Variants in AKAP13 observed in about 807,000 individuals in gnomAD.
The protein encoded by AKAP13 is A-kinase anchoring protein 13.
A neutral mutation model predicts 264.5 loss-of-function variants in AKAP13; 80 were observed. That is an observed-to-expected ratio of 0.30 (90% CI 0.25 to 0.36). AKAP13 has a LOEUF of 0.36. Ranked by LOEUF, AKAP13 falls within the 10% of genes least tolerant of loss-of-function variation. The pLI, the probability that AKAP13 is intolerant of heterozygous loss-of-function variation, is 1.00. For missense variants in AKAP13, 3,712 were observed against 3,435.2 expected, an observed-to-expected ratio of 1.08 and a Z score of -2.01; for synonymous variants, 1,380 against 1,250.2, an observed-to-expected ratio of 1.10 and a Z score of -2.19.
At chr15:85,501,850 T>C (rs1383852194) in intron 2 of AKAP13, among the ~76,000 whole-genome samples, 1 of 152,128 alleles carries the variant, frequency 6.6e-6, no homozygotes, top group Non-Finnish European at 1.5e-5. Context: ...AGAAGCGGGC[T>C]ATTGCCTAGG....
intron 5 of AKAP13, among the ~76,000 whole-genome samples, chr15:85,570,762 C>T (rs2078789958): frequency 1.3e-5 from 2 of 152,066 alleles, no homozygotes; most frequent in Non-Finnish European, 1.5e-5. Context: ...GAGAACTGAT[C>T]GACAGGGTTG....
chr15:85,604,568 A>G (rs966100989), intron 8 of AKAP13, among the ~76,000 whole-genome samples: 1 of 151,828 alleles, frequency 6.6e-6, no homozygotes, highest in Non-Finnish European at 1.5e-5. Flanking sequence ...GGTTCAAGCA[A>G]TTCTCCTGCC....
intron 1 of AKAP13, among the ~76,000 whole-genome samples, chr15:85,396,973 A>G (rs930514135): frequency 1.4e-5 from 2 of 147,698 alleles, no homozygotes; most frequent in African/African-American, 2.5e-5. Flanking sequence ...TGATTTATAC[A>G]TAATTATTTT....
intron 1 of AKAP13, among the ~76,000 whole-genome samples, chr15:85,404,365 G>A (rs1332575470): frequency 6.6e-6 from 1 of 152,214 alleles, no homozygotes; most frequent in Non-Finnish European, 1.5e-5. Context: ...GCCTGCCACA[G>A]TTTGGTTCTG....
chr15:85,492,309 G>A (rs1416525451), intron 2 of AKAP13, among the ~76,000 whole-genome samples: 2 of 152,200 alleles, frequency 1.3e-5, no homozygotes, highest in Admixed American at 1.3e-4. Flanking sequence ...TTGAGCCCAC[G>A]AGTTCAAGCC....
chr15:85,453,468 C>G (rs2074165224), intron 1 of AKAP13, among the ~76,000 whole-genome samples: 1 of 152,234 alleles, frequency 6.6e-6, no homozygotes, highest in African/African-American at 2.4e-5. Flanking sequence ...GACTGTGAAA[C>G]AGCAAAGATG....
chr15:85,677,139 G>T, intron 14 of AKAP13: 1 of 985,440 alleles, frequency 1.0e-6, no homozygotes, highest in African/African-American at 1.7e-5. Flanking sequence ...GTTCTTGAAG[G>T]TCTGACCAGC....
intron 3 of AKAP13, among the ~76,000 whole-genome samples, chr15:85,522,763 C>G (rs2076867034): frequency 6.6e-6 from 1 of 152,164 alleles, no homozygotes; most frequent in Non-Finnish European, 1.5e-5. Context: ...TGGTCCGAAT[C>G]CTCAGAAATC....
At chr15:85,585,562 C>T in intron 7 of AKAP13, 140 bp from the exon 8 acceptor site, 1 of 1,203,516 alleles carries the variant, frequency 8.3e-7, no homozygotes, top group Non-Finnish European at 1.2e-6. Context: ...ATGACACTAG[C>T]CGCTGACAAC....
rs932502645 is a variant in AKAP13 at position 85,741,064 on chromosome 15, G to A, written c.7627G>A (p.Asp2543Asn). The A allele has an allele frequency of 1.2e-6, 2 of 1,611,306 alleles. No individual in the cohort carries two copies. Among genetic ancestry groups the A allele is most frequent in the Non-Finnish European group, 1.7e-6 (2 of 1,178,656 alleles). ...CTCCCAGGGTGTGGTGCTGCAGCAGGACAGCTACATTGAGGACCAGAAACT... is the reference window on the plus strand; with the variant it reads ...CTCCCAGGGTGTGGTGCTGCAGCAGAACAGCTACATTGAGGACCAGAAACT... Reference protein sequence around the residue: ...SALQGVVLQQDSYIEDQKLVL... With the variant: ...SALQGVVLQQNSYIEDQKLVL... The change falls in exon 35 of 37, where the codon GAC becomes AAC. Residue 2543 changes from aspartate to asparagine, a missense_variant. Physicochemically the swap from Asp to Asn is conservative, Grantham distance 23 (BLOSUM62 1). Transcript: ENST00000394518.
intron 1 of AKAP13, among the ~76,000 whole-genome samples, chr15:85,436,886 C>T (rs2073326894): frequency 6.6e-6 from 1 of 151,712 alleles, no homozygotes; most frequent in African/African-American, 2.4e-5. Flanking sequence ...AAATTGACAC[C>T]CTAACATCAC....
At chr15:85,436,446 T>G (rs1379709463) in intron 1 of AKAP13, among the ~76,000 whole-genome samples, 2 of 141,976 alleles carry the variant, frequency 1.4e-5, no homozygotes, top group Non-Finnish European at 3.1e-5. Context: ...GGAATTGAAC[T>G]CAGCTCTGCA....
At chr15:85,680,631 G>A (rs1430879480) in intron 14 of AKAP13, among the ~76,000 whole-genome samples, 3 of 152,178 alleles carry the variant, frequency 2.0e-5, no homozygotes, top group East Asian at 1.9e-4. Context: ...TTGGGAAGCG[G>A]AGACAGGAGG....
chr15:85,502,433 C>T (rs547075540), intron 2 of AKAP13, among the ~76,000 whole-genome samples: 38 of 152,324 alleles, frequency 2.5e-4, no homozygotes, highest in African/African-American at 8.9e-4. Flanking sequence ...GTCATTCCTA[C>T]ATGTAAAAAT....
chr15:85,717,243 G>C (rs1421253788), intron 20 of AKAP13, 47 bp from the exon 21 acceptor site: 2 of 1,270,516 alleles, frequency 1.6e-6, no homozygotes, highest in Non-Finnish European at 2.3e-6. Context: ...GCAAGCCATA[G>C]GTTATCAGAA....
chr15:85,619,629 T>C (rs371166582), intron 8 of AKAP13: 15 of 986,172 alleles, frequency 1.5e-5, no homozygotes, highest in African/African-American at 1.4e-4. Flanking sequence ...CCTTTCTTTC[T>C]CTCCCTCTTC....
chr15:85,483,536 T>C (rs3889489), intron 1 of AKAP13, among the ~76,000 whole-genome samples: 2 of 142,120 alleles, frequency 1.4e-5, no homozygotes, highest in African/African-American at 3.0e-5. Flanking sequence ...TGAGGCAGGA[T>C]AATGGCGTGA....
chr15:85,425,834 ATT>A (rs2072751644), intron 1 of AKAP13, among the ~76,000 whole-genome samples: 1 of 152,054 alleles, frequency 6.6e-6, no homozygotes, highest in African/African-American at 2.4e-5. Flanking sequence ...GGGTAGATAA[ATT>A]TCCTTGAGCA....
intron 1 of AKAP13, among the ~76,000 whole-genome samples, chr15:85,384,491 C>A (rs1355581022): frequency 2.0e-5 from 3 of 151,816 alleles, no homozygotes; most frequent in Non-Finnish European, 4.4e-5. Context: ...CTGAGGCGGG[C>A]GGATCACTTG....
Sources: allele counts gnomAD v4.1 joint callset (sites outside exome capture counted in the v4.1 genomes callset), GRCh38; gene constraint gnomAD v4.1.1; transcripts MANE v1.5; gene names NCBI Gene and HGNC (gene_info 2026-07-23, HGNC 2026-07-21).